The following NR1H3 variants were observed in gnomAD, a reference collection of about 807,000 sequenced individuals.
The protein encoded by NR1H3 is oxysterols receptor LXR-alpha.
A neutral mutation model predicts 48.1 loss-of-function variants in NR1H3; 19 were observed. That is an observed-to-expected ratio of 0.40 (90% CI 0.28 to 0.58). NR1H3 has a LOEUF of 0.58. NR1H3 is among the 20% of genes least tolerant of loss of function. NR1H3 has a pLI of 0.50. For synonymous variants in NR1H3, 232 were observed against 227.3 expected, an observed-to-expected ratio of 1.02 and a Z score of -0.19; for missense variants, 486 against 595.9, an observed-to-expected ratio of 0.82 and a Z score of 1.92.
At chr11:47,255,537 TTCTTTTTC>T (rs749968489), upstream of NR1H3, among the ~76,000 whole-genome samples, 6,935 of 122,252 alleles carry the variant, frequency 0.057, 255 homozygotes, top group Non-Finnish European at 0.082. Context: ...CTTTCTTTCT[TTCTTTTTC>T]TTTCTTTCTT....
chr11:47,259,700 G>A (rs1288015870), intron 2 of NR1H3, 91 bp from the exon 3 acceptor site: 1 of 1,589,176 alleles, frequency 6.3e-7, no homozygotes, highest in Non-Finnish European at 8.5e-7. Flanking sequence ...TCTAAGGGTG[G>A]GGATAAGTTT....
In NR1H3 at chr11:47,259,887, C is replaced by T. The variant is rs369163288; in HGVS notation, c.140C>T (p.Pro47Leu). Residue 47 changes from proline to leucine, a missense_variant, in exon 3 of 10, where the codon CCC (proline) becomes CTC (leucine). By Grantham distance (98) the Pro-to-Leu change is moderately conservative. Coordinates refer to ENST00000441012, the MANE Select transcript of NR1H3 (RefSeq NM_005693.4). ...SCILREEARM[P>L]HSAGGTAGVG... ...ATCCTCAGAGAGGAAGCCAGGATGC[C>T]CCACTCTGCTGGGGGTACTGCAGGG... The T allele has an allele frequency of 1.2e-6, 2 of 1,612,856 alleles. No individual in the cohort carries two copies. Among genetic ancestry groups the T allele is most frequent in the African/African-American group, 2.7e-5 (2 of 74,870 alleles).
chr11:47,268,088 A>G, intron 8 of NR1H3, 62 bp downstream of exon 8: 1 of 1,270,886 alleles, frequency 7.9e-7, no homozygotes, highest in Non-Finnish European at 1.1e-6. Flanking sequence ...TGCAGGTCCC[A>G]CAGGAATCGG....
In NR1H3 at chr11:47,259,855, C is replaced by G. The variant is rs943635765; in HGVS notation, c.108C>G (p.Ser36Arg). The G allele has an allele frequency of 1.2e-6, 2 of 1,612,710 alleles. No individual in the cohort carries two copies. Among genetic ancestry groups the G allele is most frequent in the South Asian group, 1.1e-5 (1 of 91,012 alleles). Residue 36 changes from serine to arginine, a missense_variant, in exon 3 of 10, where the codon AGC (serine) becomes AGG (arginine). Transcript: ENST00000441012. Reference sequence around the variant, plus strand: ...CAAGCAGCCAGGCCCAGGGAGGCAGCAGCTGCATCCTCAGAGAGGAAGCCA... The same window carrying G: ...CAAGCAGCCAGGCCCAGGGAGGCAGGAGCTGCATCCTCAGAGAGGAAGCCA... ...QDASSQAQGG[S>R]SCILREEARM...
Position 47,268,036 on chromosome 11 carries a change from A to T in NR1H3, c.1102+10A>T, listed in dbSNP as rs988707716. ...AGCATCTTCTCTGCAGGTGTGGAGG[A>T]GGGGCAATGGGAAACAGCAAGAGAC... On this transcript the variant is annotated intron_variant, in intron 8 of 9. Transcript: ENST00000441012. 2.2e-5 allele frequency: 34 copies of T among 1,531,686 alleles called. No individual in the cohort carries two copies. The African/African-American group carries it at 3.7e-4, about 17-fold the overall frequency. The allele number at this position is 1,531,686 out of a possible 1,614,324, so 94.9% of individuals were successfully genotyped here.
intron 1 of NR1H3, among the ~76,000 whole-genome samples, chr11:47,249,533 C>T (rs1380987473): frequency 6.6e-6 from 1 of 152,190 alleles, no homozygotes. Flanking sequence ...ACCCAAAGCA[C>T]TGAATCCCTG....
Position 47,267,507 on chromosome 11 carries a change from T to C in NR1H3, c.989-406T>C, listed in dbSNP as rs145873059. 1.9e-4 allele frequency among the ~76,000 whole-genome samples: 28 copies of C among 146,764 alleles called. 2 individuals are homozygous for C. Among genetic ancestry groups the C allele is most frequent in the African/African-American group, 6.7e-4 (26 of 38,552 alleles). On this transcript the variant is annotated intron_variant, in intron 7 of 9. Coordinates refer to ENST00000441012, the MANE Select transcript of NR1H3 (RefSeq NM_005693.4). Reference sequence around the variant, plus strand: ...TGCTCAAGGTTACACAGCAAAGCCTTGTAGACCTTTTTTTTTTTTTTGACG... The same window carrying C: ...TGCTCAAGGTTACACAGCAAAGCCTCGTAGACCTTTTTTTTTTTTTTGACG...
upstream of NR1H3, among the ~76,000 whole-genome samples, chr11:47,256,545 C>T (rs1015143169): frequency 3.3e-5 from 5 of 150,662 alleles, no homozygotes; most frequent in African/African-American, 1.2e-4. Context: ...GTTGTGATGG[C>T]GTGTGCCTGT....
chr11:47,266,375 G>A (rs924085775), intron 7 of NR1H3, among the ~76,000 whole-genome samples: 13 of 150,756 alleles, frequency 8.6e-5, no homozygotes, highest in Non-Finnish European at 1.3e-4. Context: ...TTGCTCTGTC[G>A]CCCAGGCTGG....
intron 1 of NR1H3, among the ~76,000 whole-genome samples, chr11:47,249,486 A>T (rs903801033): frequency 5.3e-5 from 8 of 152,096 alleles, no homozygotes; most frequent in Non-Finnish European, 1.2e-4. Flanking sequence ...CCTCTTCCCA[A>T]AGGAGTTGGG....
exon 1 of NR1H3, chr11:47,248,983 C>A: frequency 1.3e-6 from 2 of 1,504,688 alleles, no homozygotes; most frequent in Non-Finnish European, 1.8e-6. Flanking sequence ...CTGGCTGTGG[C>A]GGAGGAGCAT....
intron 4 of NR1H3, among the ~76,000 whole-genome samples, chr11:47,261,007 C>T (rs923945975): frequency 2.6e-5 from 4 of 151,964 alleles, no homozygotes; most frequent in Non-Finnish European, 5.9e-5. Context: ...ATCACTTGAA[C>T]ACGGGAGGTG....
Position 47,258,143 on chromosome 11 carries a change from T to C in NR1H3, c.-38+14T>C, listed in dbSNP as rs557004262. The C allele has an allele frequency of 2.0e-6, 2 of 985,538 alleles. No homozygotes were observed. Among genetic ancestry groups the C allele is most frequent in the East Asian group, 1.1e-4 (1 of 8,790 alleles). 61.0% of individuals were successfully genotyped at this position (985,538 alleles called of 1,614,324 possible). On this transcript the variant is annotated intron_variant, in intron 1 of 9. Coordinates refer to ENST00000441012, the MANE Select transcript of NR1H3 (RefSeq NM_005693.4). ...CCTGGGGATTTGGTGGGTCTGCTCCTTAGCAGTGGCCTGGGGCTCTGTGTG... is the reference window on the plus strand; with the variant it reads ...CCTGGGGATTTGGTGGGTCTGCTCCCTAGCAGTGGCCTGGGGCTCTGTGTG...
chr11:47,253,277 G>A (rs1954818605), upstream of NR1H3, among the ~76,000 whole-genome samples: 1 of 152,082 alleles, frequency 6.6e-6, no homozygotes, highest in African/African-American at 2.4e-5. Flanking sequence ...TCTTATACCT[G>A]TATTCAAATT....
intron 1 of NR1H3, chr11:47,249,102 T>C: frequency 4.3e-6 from 5 of 1,170,682 alleles, no homozygotes; most frequent in Non-Finnish European, 5.8e-6. Flanking sequence ...CTTACCAAGG[T>C]GGCACTTGCA....
upstream of NR1H3, chr11:47,248,895 G>T (rs968495026): frequency 6.5e-7 from 1 of 1,546,634 alleles, no homozygotes; most frequent in African/African-American, 1.4e-5. Flanking sequence ...TGCGTTCGCC[G>T]CCATCTTACT....
At chr11:47,259,565 C>A (rs377422297) in intron 2 of NR1H3, 28 of 1,465,506 alleles carry the variant, frequency 1.9e-5, no homozygotes, top group Non-Finnish European at 2.4e-5. Context: ...TCCAGCCCCC[C>A]AAAGGGACAA....
chr11:47,248,845 G>A, upstream of NR1H3: 3 of 1,553,148 alleles, frequency 1.9e-6, no homozygotes, highest in Non-Finnish European at 2.6e-6. Context: ...GCACCTGCAA[G>A]CAGCCGCCCG....
intron 7 of NR1H3, among the ~76,000 whole-genome samples, 187 bp from the exon 8 acceptor site, chr11:47,267,726 C>G (rs911712070): frequency 6.6e-6 from 1 of 152,210 alleles, no homozygotes; most frequent in African/African-American, 2.4e-5. Flanking sequence ...CCAGGCTCTT[C>G]TCGAACTCCT....
Sources: allele counts gnomAD v4.1 joint callset (sites outside exome capture counted in the v4.1 genomes callset), GRCh38; gene constraint gnomAD v4.1.1; transcripts MANE v1.5; gene names NCBI Gene and HGNC (gene_info 2026-07-23, HGNC 2026-07-21).